Variants in ACVR2B observed in about 807,000 individuals in gnomAD.
The protein encoded by ACVR2B is activin receptor type-2B.
ACVR2B carries 18 observed loss-of-function variants against 65.1 expected under a neutral mutation model. The observed-to-expected ratio is 0.28, with a 90% confidence interval of 0.19 to 0.41. The LOEUF (loss-of-function observed/expected upper bound fraction) is 0.41, where lower values mean the gene tolerates loss of function less well. Among genes scored for constraint, ACVR2B ranks in the 10% least tolerant of loss-of-function variants. The pLI is 1.00. For missense variants in ACVR2B, 482 were observed against 682.7 expected, an observed-to-expected ratio of 0.71 and a Z score of 3.28; for synonymous variants, 298 against 277.7, an observed-to-expected ratio of 1.07 and a Z score of -0.73.
rs537026599 is a variant in ACVR2B, at chr3:38,474,798, G to C, written c.53-2489G>C. 7 of 152,452 alleles carry C rather than the reference G, an allele frequency of 4.6e-5. No individual in the cohort carries two copies. In the East Asian group the frequency reaches 1.3e-3, roughly 29 times the overall value. 9.4% of individuals were successfully genotyped at this position (152,452 alleles called of 1,614,324 possible). Reference sequence around the variant, plus strand: ...AAGCACAAGGGCCAGTGGAAATAGAGAGTTTGCCTGGTCTCAGGGGAGAGG... The same window carrying C: ...AAGCACAAGGGCCAGTGGAAATAGACAGTTTGCCTGGTCTCAGGGGAGAGG... On this transcript the variant is annotated intron_variant, in intron 1 of 10. Coordinates refer to ENST00000352511, the MANE Select transcript of ACVR2B (RefSeq NM_001106.4).
intron 1 of ACVR2B, chr3:38,476,139 A>G (rs910304059): frequency 2.0e-5 from 3 of 152,214 alleles, no homozygotes; most frequent in South Asian, 2.1e-4. Context: ...ACTCTTTCCT[A>G]TGTCAGGGCT....
Position 38,488,416 on chromosome 3 carries a change from A to T in ACVR2B, c.*5084A>T, listed in dbSNP as rs1474875854. 2.0e-5 allele frequency: 3 copies of T among 152,190 alleles called. No homozygotes were observed. The highest frequency in any genetic ancestry group is 4.4e-5 in the Non-Finnish European group (3 of 68,032). 9.4% of individuals were successfully genotyped at this position (152,190 alleles called of 1,614,324 possible). On this transcript the variant is annotated 3_prime_UTR_variant, in exon 11 of 11. Transcript: ENST00000352511. Reference sequence around the variant, plus strand: ...AATGATTTAGTTTTGTAGGAAAAACACCCCCTTGAAAATTAATTCGGTTGA... The same window carrying T: ...AATGATTTAGTTTTGTAGGAAAAACTCCCCCTTGAAAATTAATTCGGTTGA...
Position 38,491,430 on chromosome 3 carries a change from T to C in ACVR2B, c.*8098T>C, listed in dbSNP as rs1184699455. 3 of 152,674 alleles carry C rather than the reference T, an allele frequency of 2.0e-5. No homozygotes were observed. Among genetic ancestry groups the C allele is most frequent in the Non-Finnish European group, 2.9e-5 (2 of 68,066 alleles). The allele number at this position is 152,674 out of a possible 1,614,324, so 9.5% of individuals were successfully genotyped here. A position where few individuals can be genotyped will look rare whatever the true frequency, so the allele number is the denominator to read the frequency against. ...AGTCAGTCATCTTAAGTGTTTGTTC[T>C]CTGCCCCATTCAGTGGACTGTTGAC... On this transcript the variant is annotated 3_prime_UTR_variant, in exon 11 of 11. Transcript: ENST00000352511.
At chr3:38,475,146 C>A (rs1709885512) in intron 1 of ACVR2B, 1 of 152,326 alleles carries the variant, frequency 6.6e-6, no homozygotes, top group African/African-American at 2.4e-5. Flanking sequence ...TGCAGGCAGA[C>A]AGGGACAATG....
At chr3:38,454,413 C>T in intron 1 of ACVR2B, 39 bp downstream of exon 1, 2 of 1,241,854 alleles carry the variant, frequency 1.6e-6, no homozygotes, top group Non-Finnish European at 1.0e-6. Flanking sequence ...CGAGAGGGCG[C>T]GCGGGGCTGG....
intron 1 of ACVR2B, among the ~76,000 whole-genome samples, chr3:38,458,151 G>A (rs1709581621): frequency 1.3e-5 from 2 of 152,130 alleles, no homozygotes; most frequent in African/African-American, 2.4e-5. Flanking sequence ...CCTCTACTGT[G>A]TACTACTCTG....
chr3:38,478,746 C>T (rs1407404486), intron 5 of ACVR2B, among the ~76,000 whole-genome samples: 1 of 152,100 alleles, frequency 6.6e-6, no homozygotes, highest in East Asian at 1.9e-4. Context: ...CCTTGATTTG[C>T]CCCGGTTACC....
At chr3:38,478,604 C>T in intron 5 of ACVR2B, 86 bp downstream of exon 5, 1 of 1,578,606 alleles carries the variant, frequency 6.3e-7, no homozygotes, top group South Asian at 1.1e-5. Context: ...CAATCCAAAC[C>T]CCAAATAATA....
At chr3:38,468,534 G>A (rs1188568978) in intron 1 of ACVR2B, among the ~76,000 whole-genome samples, 1 of 152,208 alleles carries the variant, frequency 6.6e-6, no homozygotes, top group Non-Finnish European at 1.5e-5. Context: ...CTGGGTTGGA[G>A]AGGGGCAACC....
In ACVR2B at chr3:38,459,608, C is replaced by T. The variant is rs1271360754; in HGVS notation, c.52+5234C>T. 50 of 985,434 alleles carry T rather than the reference C, an allele frequency of 5.1e-5. 1 individual carries two copies. Among genetic ancestry groups the T allele is most frequent in the South Asian group, 3.8e-4 (8 of 21,290 alleles). 61.0% of individuals were successfully genotyped at this position (985,434 alleles called of 1,614,324 possible). ...TCCCCTGAGTGGACCTGCCATGTGG[C>T]GCTCCGGGGAGCCGCAGAGGCTGTG... is the stretch of plus-strand genomic sequence containing the variant. On this transcript the variant is annotated intron_variant, in intron 1 of 10. Transcript: ENST00000352511.
At chr3:38,473,257 G>T (rs1343716459) in intron 1 of ACVR2B, among the ~76,000 whole-genome samples, 1 of 152,166 alleles carries the variant, frequency 6.6e-6, no homozygotes, top group Non-Finnish European at 1.5e-5. Context: ...CCTTGTCCTG[G>T]TGTCTGGGGG....
At position 38,491,931 on chromosome 3, in the gene ACVR2B, T is replaced by A. The variant is rs1432295769; in HGVS notation, c.*8599T>A. The A allele has an allele frequency of 6.6e-6, 1 of 152,254 alleles. No individual in the cohort carries two copies. The highest frequency in any genetic ancestry group is 2.4e-5 in the African/African-American group (1 of 41,468). 9.4% of individuals were successfully genotyped at this position (152,254 alleles called of 1,614,324 possible). On this transcript the variant is annotated 3_prime_UTR_variant, in exon 11 of 11. Coordinates refer to ENST00000352511, the MANE Select transcript of ACVR2B (RefSeq NM_001106.4). Reference sequence around the variant, plus strand: ...ACTGTACAAAAATCTGCTTATGAACTGGACATGATCTTAATGGTAGTGTCA... The same window carrying A: ...ACTGTACAAAAATCTGCTTATGAACAGGACATGATCTTAATGGTAGTGTCA...
rs949817524 is a variant in ACVR2B at position 38,484,334 on chromosome 3, C to T, written c.*1002C>T. On this transcript the variant is annotated 3_prime_UTR_variant, in exon 11 of 11. Transcript: ENST00000352511. Reference sequence around the variant, plus strand: ...CCTTAATGGACGAAAAGTTGAAATACTTTTGTTTCCTCTTGGAGCAGTTCA... The same window carrying T: ...CCTTAATGGACGAAAAGTTGAAATATTTTTGTTTCCTCTTGGAGCAGTTCA... 7.2e-5 allele frequency: 11 copies of T among 152,198 alleles called. No homozygotes were observed. The highest frequency in any genetic ancestry group is 2.7e-4 in the African/African-American group (11 of 41,452). The allele number at this position is 152,198 out of a possible 1,614,324, so 9.4% of individuals were successfully genotyped here. A position where few individuals can be genotyped will look rare whatever the true frequency, so the allele number is the denominator to read the frequency against.
At chr3:38,479,952 G>C in intron 7 of ACVR2B, 126 bp downstream of exon 7, 4 of 1,300,458 alleles carry the variant, frequency 3.1e-6, no homozygotes, top group Non-Finnish European at 3.2e-6. Flanking sequence ...CTGTGTGTCC[G>C]AGGCAGCTGG....
intron 1 of ACVR2B, among the ~76,000 whole-genome samples, chr3:38,462,413 C>T (rs1559646781): frequency 6.6e-6 from 1 of 152,164 alleles, no homozygotes; most frequent in Non-Finnish European, 1.5e-5. Context: ...CCCCCCATCC[C>T]CAGCAAGCCC....
chr3:38,464,981 T>G (rs1709705528), intron 1 of ACVR2B, among the ~76,000 whole-genome samples: 1 of 152,178 alleles, frequency 6.6e-6, no homozygotes, highest in Non-Finnish European at 1.5e-5. Flanking sequence ...CCTCGAATTA[T>G]CTCTATAATT....
rs146406170 is a variant in ACVR2B at position 38,472,521 on chromosome 3, GTGGTGAGTGGCACTCCTTCTCACC to G, written c.53-4741_53-4718del. ...GCAGAAGCAGACCTAGATAGATGTA[GTGGTGAGTGGCACTCCTTCTCACC>G]TGGTGAGTGGCACTCCTTCTCACCA... On this transcript the variant is annotated intron_variant, in intron 1 of 10. Coordinates refer to ENST00000352511, the MANE Select transcript of ACVR2B (RefSeq NM_001106.4). Among the ~76,000 whole-genome samples the G allele has an allele frequency of 2.5e-3, 377 of 152,226 alleles. 1 individual carries two copies. Among genetic ancestry groups the G allele is most frequent in the South Asian group, 6.8e-3 (33 of 4,820 alleles).
chr3:38,466,363 G>T (rs1433758813), intron 1 of ACVR2B, among the ~76,000 whole-genome samples: 1 of 152,168 alleles, frequency 6.6e-6, no homozygotes, highest in Non-Finnish European at 1.5e-5. Flanking sequence ...GATTTTGAAT[G>T]TTCCTACCAC....
rs2615643 is a variant in ACVR2B, at chr3:38,477,425, G to A, written c.191G>A (p.Arg64His). 7 of 1,614,170 alleles carry A rather than the reference G, an allele frequency of 4.3e-6. No individual in the cohort carries two copies. The highest frequency in any genetic ancestry group is 1.1e-5 in the South Asian group (1 of 91,084). ...CGGCTGCACTGCTACGCCTCCTGGC[G>A]CAACAGCTCTGGCACCATCGAGCTC... Reference protein sequence around the residue: ...DKRLHCYASWRNSSGTIELVK... With the variant: ...DKRLHCYASWHNSSGTIELVK... Residue 64 changes from arginine (R) to histidine (H), a missense_variant, in exon 2 of 11, where the codon CGC (arginine) becomes CAC (histidine). Physicochemically the swap from Arg to His is conservative, Grantham distance 29 (BLOSUM62 0). Transcript: ENST00000352511. This position sits in a 1 kb window ranked among gnomAD's most constrained non-coding sequence, Gnocchi z 6.7.
Sources: allele counts gnomAD v4.1 joint callset (sites outside exome capture counted in the v4.1 genomes callset), GRCh38; gene constraint gnomAD v4.1.1; non-coding constraint Gnocchi (gnomAD v3.1); transcripts MANE v1.5; gene names NCBI Gene and HGNC (gene_info 2026-07-23, HGNC 2026-07-21).